CNN3: variants seen among roughly 807,000 people sequenced by gnomAD.
CNN3 encodes calponin 3, also known as calponin-3.
A neutral mutation model predicts 39.0 loss-of-function variants in CNN3; 11 were observed. The ratio of observed to expected loss-of-function variants is 0.28; its 90% CI spans 0.18 to 0.47. CNN3 has a LOEUF of 0.47. CNN3 is among the 20% of genes least tolerant of loss of function. The probability of loss-of-function intolerance (pLI) is 0.99; values close to 1 mark genes in which losing one functional copy is unlikely to be tolerated. For missense variants in CNN3, 266 were observed against 403.4 expected (o/e 0.66, Z 2.92); for synonymous variants, 101 against 138.3 (o/e 0.73, Z 1.89).
chr1:94,910,703 G>A (rs2101729139), intron 1 of CNN3, among the ~76,000 whole-genome samples: 1 of 152,270 alleles, frequency 6.6e-6, no homozygotes, highest in South Asian at 2.1e-4. Flanking sequence ...ATTTCTTGTG[G>A]GTAGACTCCT....
chr1:94,908,594 G>A (rs986988320), intron 1 of CNN3, among the ~76,000 whole-genome samples: 18 of 152,182 alleles, frequency 1.2e-4, no homozygotes, highest in Non-Finnish European at 2.9e-5. Context: ...AAGCTGGAGT[G>A]CCATAGCGTG....
chr1:94,902,054 G>A, intron 4 of CNN3, 67 bp downstream of exon 4: 1 of 1,374,008 alleles, frequency 7.3e-7, no homozygotes, highest in Non-Finnish European at 1.0e-6. Flanking sequence ...CCATGAAAAA[G>A]CAATGATGCA....
intron 1 of CNN3, among the ~76,000 whole-genome samples, chr1:94,921,162 G>C (rs1671431695): frequency 1.3e-5 from 2 of 152,206 alleles, no homozygotes. Context: ...GGGAGGCCAA[G>C]GCAGGTGTTA....
chr1:94,912,530 T>A (rs1011657284), intron 1 of CNN3, among the ~76,000 whole-genome samples: 1 of 152,040 alleles, frequency 6.6e-6, no homozygotes, highest in African/African-American at 2.4e-5. Context: ...AGGGCAGCCA[T>A]CACCAAGGCT....
chr1:94,921,563 GA>G (rs1671445135), intron 1 of CNN3, among the ~76,000 whole-genome samples: 1 of 152,030 alleles, frequency 6.6e-6, no homozygotes, highest in Non-Finnish European at 1.5e-5. Flanking sequence ...AAGGAGGCAG[GA>G]AACACTAACC....
At chr1:94,916,669 C>G (rs1571531723) in intron 1 of CNN3, among the ~76,000 whole-genome samples, 1 of 152,262 alleles carries the variant, frequency 6.6e-6, no homozygotes, top group East Asian at 1.9e-4. Context: ...GAGCTCTGGC[C>G]TCAGATTAAA....
At chr1:94,902,351 G>A (rs368854331) in intron 3 of CNN3, 93 bp from the exon 4 acceptor site, 5 of 1,094,486 alleles carry the variant, frequency 4.6e-6, no homozygotes, top group Admixed American at 2.3e-5. Flanking sequence ...GTTATAAGAC[G>A]CTGCCCAGAA....
At chr1:94,919,256 A>G (rs183331019) in intron 1 of CNN3, among the ~76,000 whole-genome samples, 4 of 152,368 alleles carry the variant, frequency 2.6e-5, no homozygotes, top group Admixed American at 6.5e-5. Flanking sequence ...GCATCTAGCC[A>G]TAGGTGGACT....
rs774409033 is a variant in CNN3, at chr1:94,901,679, A to G, written c.491T>C (p.Ile164Thr). The change falls in exon 5 of 7, where the codon ATT (isoleucine) becomes ACT (threonine). Residue 164 changes from isoleucine to threonine, a missense_variant. By Grantham distance (89) the Ile-to-Thr change is moderately conservative. Transcript: ENST00000370206. ...CACCACATTACTTACCTGCAGACCAATTACACTTTGGCCAGCTTTTAATTT... is the reference window on the plus strand; with the variant it reads ...CACCACATTACTTACCTGCAGACCAGTTACACTTTGGCCAGCTTTTAATTT... Reference protein sequence around the residue: ...EGKLKAGQSVIGLQMGTNKCA... With the variant: ...EGKLKAGQSVTGLQMGTNKCA... 6.2e-7 allele frequency: 1 copy of G among 1,612,364 alleles called. No individual in the cohort carries two copies. The highest frequency in any genetic ancestry group is 8.5e-7 in the Non-Finnish European group (1 of 1,178,474).
chr1:94,924,220 T>C, intron 1 of CNN3: 1 of 152,238 alleles, frequency 6.6e-6, no homozygotes, highest in East Asian at 1.9e-4. Flanking sequence ...CAGCATCTCA[T>C]ACAAAGGCCT....
chr1:94,913,710 C>T (rs1310860415), intron 1 of CNN3, among the ~76,000 whole-genome samples: 1 of 152,084 alleles, frequency 6.6e-6, no homozygotes, highest in East Asian at 1.9e-4. Flanking sequence ...TTAGGAGAGG[C>T]AGGTTAGCTC....
Position 94,926,986 on chromosome 1 carries a change from G to C in CNN3, c.-92C>G. The C allele has an allele frequency of 2.8e-6, 4 of 1,405,232 alleles. No homozygotes were observed. Among genetic ancestry groups the C allele is most frequent in the Non-Finnish European group, 3.9e-6 (4 of 1,018,334 alleles). 87.0% of individuals were successfully genotyped at this position (1,405,232 alleles called of 1,614,324 possible). On this transcript the variant is annotated 5_prime_UTR_variant, in exon 1 of 7. Transcript: ENST00000370206. This position sits in a 1 kb window ranked among gnomAD's most constrained non-coding sequence, Gnocchi z 4.2. The stretch of plus-strand genomic sequence containing the variant: ...CCTGGCCCCGAGGAGTGGCCGCCGC[G>C]GGGGATGCTCGAACTCCCTCCTCTG...
chr1:94,916,915 T>C (rs2101735929), intron 1 of CNN3, among the ~76,000 whole-genome samples: 1 of 152,344 alleles, frequency 6.6e-6, no homozygotes, highest in African/African-American at 2.4e-5. Flanking sequence ...CCAATCAAGA[T>C]ACTGGAAAGA....
chr1:94,915,131 G>T (rs186944707), intron 1 of CNN3, among the ~76,000 whole-genome samples: 1 of 152,182 alleles, frequency 6.6e-6, no homozygotes, highest in Non-Finnish European at 1.5e-5. Context: ...TATTCATACT[G>T]TGCCTTATGA....
chr1:94,903,340 G>C (rs1028843593), intron 2 of CNN3, 63 bp downstream of exon 2: 42 of 1,546,138 alleles, frequency 2.7e-5, no homozygotes, highest in Admixed American at 2.2e-4. Context: ...GAAGGAGAGT[G>C]AGAGAGAAGG....
At chr1:94,916,790 T>C (rs1452749141) in intron 1 of CNN3, among the ~76,000 whole-genome samples, 2 of 152,206 alleles carry the variant, frequency 1.3e-5, no homozygotes, top group Admixed American at 1.3e-4. Context: ...CAGAGATCAT[T>C]AACAGCACTT....
At chr1:94,919,010 G>T (rs987613495) in intron 1 of CNN3, among the ~76,000 whole-genome samples, 4 of 152,062 alleles carry the variant, frequency 2.6e-5, no homozygotes, top group Non-Finnish European at 5.9e-5. Context: ...GTTTTTTGAA[G>T]GTGATGTAAG....
In CNN3 at chr1:94,926,822, C is replaced by T; in HGVS notation, c.57+16G>A. On this transcript the variant is annotated intron_variant, in intron 1 of 6. Transcript: ENST00000370206. The surrounding 1 kb of genome is among the most constrained non-coding windows in gnomAD (Gnocchi z 4.2). ...GGTGCCCCGGGGGCCCCCGCGCCCG[C>T]CCGAGCCAGGCGTACCTTGTTCTTG... 1.2e-6 allele frequency: 2 copies of T among 1,609,908 alleles called. No individual in the cohort carries two copies. Among genetic ancestry groups the T allele is most frequent in the Non-Finnish European group, 1.7e-6 (2 of 1,178,176 alleles).
chr1:94,925,878 C>T, intron 1 of CNN3: 2 of 931,534 alleles, frequency 2.1e-6, no homozygotes, highest in Non-Finnish European at 2.6e-6. Flanking sequence ...TGGTCTCTCC[C>T]CCCAGAAACC....
Sources: gnomAD v4.1 joint callset for allele counts (sites outside exome capture counted in the v4.1 genomes callset) on GRCh38, gnomAD v4.1.1 for gene constraint, Gnocchi (gnomAD v3.1) non-coding constraint, MANE v1.5 for transcripts, NCBI Gene and HGNC (gene_info 2026-07-23, HGNC 2026-07-21) for gene names.